The following NWD2 variants were observed in gnomAD, a reference collection of about 807,000 sequenced individuals.
NWD2 encodes NACHT and WD repeat domain containing 2, also known as NACHT and WD repeat domain-containing protein 2.
In NWD2, 37 loss-of-function variants were observed where a neutral mutation model predicts 132.7. The observed-to-expected ratio is 0.28, with a 90% confidence interval of 0.21 to 0.37. NWD2 has a LOEUF of 0.37. NWD2 is among the 10% of genes least tolerant of loss of function. The probability of loss-of-function intolerance (pLI) is 1.00; values close to 1 mark genes in which losing one functional copy is unlikely to be tolerated. For missense variants in NWD2, 1,592 were observed against 2,122.4 expected (o/e 0.75, Z 4.91); for synonymous variants, 705 against 803.0 (o/e 0.88, Z 2.06).
chr4:37,343,098 A>G (rs1326085663), intron 2 of NWD2, among the ~76,000 whole-genome samples: 1 of 152,230 alleles, frequency 6.6e-6, no homozygotes, highest in Non-Finnish European at 1.5e-5. Context: ...CGTTCTACCC[A>G]GAGGATGGCT....
At chr4:37,330,805 A>T (rs913234801) in intron 2 of NWD2, among the ~76,000 whole-genome samples, 14 of 151,374 alleles carry the variant, frequency 9.2e-5, no homozygotes, top group African/African-American at 3.4e-4. Context: ...TACCACCAGA[A>T]TCATCACCCT....
intron 5 of NWD2, among the ~76,000 whole-genome samples, chr4:37,436,628 A>G (rs1217209810): frequency 6.6e-6 from 1 of 152,130 alleles, no homozygotes; most frequent in Non-Finnish European, 1.5e-5. Context: ...GGCAGAGCAT[A>G]TCTCTGATTA....
chr4:37,372,324 G>A (rs973270078), intron 3 of NWD2, among the ~76,000 whole-genome samples: 3 of 152,134 alleles, frequency 2.0e-5, no homozygotes, highest in Non-Finnish European at 4.4e-5. Flanking sequence ...TTATGAGAAA[G>A]TTACTACTGT....
intron 2 of NWD2, among the ~76,000 whole-genome samples, chr4:37,348,587 T>C (rs1479047483): frequency 1.8e-4 from 2 of 11,334 alleles, no homozygotes; most frequent in East Asian, 2.3e-3. Context: ...TTTTCTTTTT[T>C]TTTTTTTTTT....
chr4:37,350,718 A>G (rs547468442), intron 2 of NWD2, among the ~76,000 whole-genome samples: 27 of 152,240 alleles, frequency 1.8e-4, no homozygotes, highest in African/African-American at 6.5e-4. Context: ...TTCAAATGCT[A>G]TGTTGAATAG....
chr4:37,292,254 G>A (rs184990649), intron 1 of NWD2, among the ~76,000 whole-genome samples: 11 of 152,176 alleles, frequency 7.2e-5, no homozygotes, highest in African/African-American at 2.2e-4. Flanking sequence ...AAATTTATAT[G>A]TTGAAAATGT....
intron 1 of NWD2, among the ~76,000 whole-genome samples, chr4:37,291,215 GTTAT>G (rs1560386601): frequency 6.6e-6 from 1 of 151,246 alleles, no homozygotes; most frequent in Admixed American, 6.6e-5. Flanking sequence ...ATTTTCTTGC[GTTAT>G]TTAATAGTTT....
intron 1 of NWD2, among the ~76,000 whole-genome samples, chr4:37,279,616 A>G (rs1032382831): frequency 2.0e-5 from 3 of 152,210 alleles, no homozygotes; most frequent in African/African-American, 7.2e-5. Flanking sequence ...CATGTTTTTA[A>G]GTTTATTCTT....
intron 1 of NWD2, among the ~76,000 whole-genome samples, chr4:37,318,016 CTTTCTTTTTTT>C (rs1238701076): frequency 1.5e-5 from 2 of 131,910 alleles, no homozygotes. Context: ...TTTCTTTTTT[CTTTCTTTTTTT>C]TTTTTTTTTT....
At chr4:37,314,095 T>G (rs771851799) in intron 1 of NWD2, among the ~76,000 whole-genome samples, 2 of 152,250 alleles carry the variant, frequency 1.3e-5, no homozygotes, top group Non-Finnish European at 2.9e-5. Context: ...TAATATGGTA[T>G]ATTCTATTAA....
intron 1 of NWD2, among the ~76,000 whole-genome samples, chr4:37,274,540 C>A (rs1050273425): frequency 6.6e-6 from 1 of 152,094 alleles, no homozygotes; most frequent in African/African-American, 2.4e-5. Flanking sequence ...GAAACTATTC[C>A]AATCAATAGA....
intron 1 of NWD2, among the ~76,000 whole-genome samples, chr4:37,275,304 C>A (rs1268995414): frequency 6.6e-6 from 1 of 151,946 alleles, no homozygotes; most frequent in African/African-American, 2.4e-5. Context: ...ACAGCCAAAT[C>A]ATGAGTGAAC....
chr4:37,446,787 T>C lies in NWD2; in HGVS notation c.4799T>C (p.Ile1600Thr), dbSNP rs1229907821. ...EDENGAIFSLIVMRLADGKNI... is the reference protein window; with the variant it reads ...EDENGAIFSLTVMRLADGKNI... ...GAAAATGGTGCAATATTCAGTTTAA[T>C]TGTAATGAGACTGGCAGATGGCAAA... Residue 1600 changes from isoleucine to threonine, a missense_variant, in exon 7 of 7, where the codon ATT becomes ACT. Physicochemically the swap from Ile to Thr is moderately conservative, Grantham distance 89 (BLOSUM62 -1). This residue lies in a region of NWD2 where 257 missense variants were observed against 335.0 expected (regional missense o/e 0.77). Coordinates refer to ENST00000309447, the MANE Select transcript of NWD2 (RefSeq NM_001144990.2). The surrounding 1 kb of genome is among the most constrained non-coding windows in gnomAD (Gnocchi z 6.7). 1 of 1,551,810 alleles carries C rather than the reference T, an allele frequency of 6.4e-7. No homozygotes were observed. Among genetic ancestry groups the C allele is most frequent in the East Asian group, 2.4e-5 (1 of 40,928 alleles).
At chr4:37,364,691 T>C (rs1363456533) in intron 3 of NWD2, among the ~76,000 whole-genome samples, 2 of 146,594 alleles carry the variant, frequency 1.4e-5, no homozygotes, top group African/African-American at 5.1e-5. Flanking sequence ...TACCTCCACT[T>C]ACACACACAC....
At chr4:37,371,625 A>C (rs537450054) in intron 3 of NWD2, among the ~76,000 whole-genome samples, 1 of 152,334 alleles carries the variant, frequency 6.6e-6, no homozygotes, top group African/African-American at 2.4e-5. Context: ...ATGTGTAATC[A>C]ATAATTATTG....
chr4:37,403,359 A>G (rs1720934084), intron 3 of NWD2, among the ~76,000 whole-genome samples: 1 of 152,192 alleles, frequency 6.6e-6, no homozygotes, highest in Non-Finnish European at 1.5e-5. Context: ...GTTTTTGAAT[A>G]CCTAGTTTAG....
At chr4:37,392,375 G>A (rs574693737) in intron 3 of NWD2, among the ~76,000 whole-genome samples, 2 of 152,188 alleles carry the variant, frequency 1.3e-5, no homozygotes, top group East Asian at 1.9e-4. Flanking sequence ...ATTTAGATCC[G>A]GGTTTCCCAG....
intron 3 of NWD2, among the ~76,000 whole-genome samples, chr4:37,401,080 C>T (rs1720887374): frequency 1.3e-5 from 2 of 152,182 alleles, no homozygotes; most frequent in Non-Finnish European, 2.9e-5. Context: ...ATGTAAGTGT[C>T]AGTAAACTAC....
At chr4:37,341,305 T>C (rs1477509217) in intron 2 of NWD2, among the ~76,000 whole-genome samples, 3 of 152,238 alleles carry the variant, frequency 2.0e-5, no homozygotes, top group African/African-American at 7.2e-5. Flanking sequence ...GTAGGTTAAG[T>C]GTATTAAATG....
Sources: allele counts gnomAD v4.1 joint callset (sites outside exome capture counted in the v4.1 genomes callset), GRCh38; gene constraint gnomAD v4.1.1; regional missense constraint gnomAD v4.1.1; non-coding constraint Gnocchi (gnomAD v3.1); transcripts MANE v1.5; gene names NCBI Gene and HGNC (gene_info 2026-07-23, HGNC 2026-07-21).